The following HEMK2 variants were observed in gnomAD, a reference collection of about 807,000 sequenced individuals.
HEMK2 encodes methyltransferase HEMK2.
chr21:28,582,671 T>C, the HEMK2 span, among the ~76,000 whole-genome samples: 1 of 152,240 alleles, frequency 6.6e-6, no homozygotes. Flanking sequence ...GGAAATACTA[T>C]AATCAGTAGC....
the HEMK2 span, among the ~76,000 whole-genome samples, chr21:28,838,463 G>A: frequency 6.6e-6 from 1 of 151,942 alleles, no homozygotes; most frequent in African/African-American, 2.4e-5. Context: ...GAACCCAGGA[G>A]GTGGAGCTTG....
At chr21:28,698,503 C>G in the HEMK2 span, among the ~76,000 whole-genome samples, 1 of 151,998 alleles carries the variant, frequency 6.6e-6, no homozygotes, top group Non-Finnish European at 1.5e-5. Context: ...CCTATCCCCC[C>G]TCAAGCGGAG....
the HEMK2 span, among the ~76,000 whole-genome samples, chr21:28,675,133 G>A: frequency 1.3e-5 from 2 of 152,118 alleles, no homozygotes; most frequent in African/African-American, 2.4e-5. Flanking sequence ...CATTTACCAA[G>A]TGCTTCCAAA....
At chr21:28,845,146 A>G in the HEMK2 span, among the ~76,000 whole-genome samples, 2 of 152,208 alleles carry the variant, frequency 1.3e-5, no homozygotes, top group Admixed American at 1.3e-4. Context: ...AAGGTAGAAT[A>G]AAATGGTGAT....
At chr21:28,827,829 T>C in the HEMK2 span, among the ~76,000 whole-genome samples, 2 of 152,352 alleles carry the variant, frequency 1.3e-5, no homozygotes, top group South Asian at 2.1e-4. Flanking sequence ...CTTATTTGAG[T>C]TGATAATTTG....
the HEMK2 span, among the ~76,000 whole-genome samples, chr21:28,793,277 G>T: frequency 3.9e-5 from 6 of 152,308 alleles, no homozygotes; most frequent in East Asian, 7.7e-4. Context: ...CAAATAGAAG[G>T]TTTCTCAACT....
At chr21:28,658,827 G>T in the HEMK2 span, among the ~76,000 whole-genome samples, 2 of 152,052 alleles carry the variant, frequency 1.3e-5, no homozygotes, top group Non-Finnish European at 2.9e-5. Context: ...TAGATTCATT[G>T]TAGCACTTTA....
At chr21:28,742,547 G>T in the HEMK2 span, among the ~76,000 whole-genome samples, 218 of 152,150 alleles carry the variant, frequency 1.4e-3, 8 homozygotes, top group South Asian at 0.043. Flanking sequence ...TCAAGGGGAG[G>T]TTACTGACTA....
chr21:28,871,421 C>T, the HEMK2 span, among the ~76,000 whole-genome samples: 2 of 152,154 alleles, frequency 1.3e-5, no homozygotes, highest in Non-Finnish European at 2.9e-5. Flanking sequence ...AACTCACTAT[C>T]ACGACAACAG....
the HEMK2 span, among the ~76,000 whole-genome samples, chr21:28,650,346 G>T: frequency 6.6e-6 from 1 of 151,890 alleles, no homozygotes; most frequent in Non-Finnish European, 1.5e-5. Flanking sequence ...AGTGAGCCAA[G>T]ATCATGCCAT....
At chr21:28,823,552 G>T in the HEMK2 span, among the ~76,000 whole-genome samples, 1 of 152,088 alleles carries the variant, frequency 6.6e-6, no homozygotes, top group Non-Finnish European at 1.5e-5. Flanking sequence ...CACAAAGCTG[G>T]GTTACAACCT....
chr21:28,883,018 A>C, the HEMK2 span: 1 of 1,608,252 alleles, frequency 6.2e-7, no homozygotes, highest in Non-Finnish European at 8.5e-7. Flanking sequence ...CATAGAGGCT[A>C]GGAATGCAGA....
At chr21:28,611,219 A>C in the HEMK2 span, among the ~76,000 whole-genome samples, 1 of 152,210 alleles carries the variant, frequency 6.6e-6, no homozygotes, top group Non-Finnish European at 1.5e-5. Context: ...CCAAAGTGGA[A>C]TAAAATTGGA....
chr21:28,614,960 C>T, the HEMK2 span, among the ~76,000 whole-genome samples: 2 of 152,242 alleles, frequency 1.3e-5, no homozygotes, highest in East Asian at 3.9e-4. Context: ...TAACCCCTTC[C>T]TAATCTCTGA....
At chr21:28,831,197 C>A in the HEMK2 span, among the ~76,000 whole-genome samples, 1 of 151,916 alleles carries the variant, frequency 6.6e-6, no homozygotes, top group Admixed American at 6.6e-5. Context: ...ATAATCCCAG[C>A]ACTTTGGGAG....
chr21:28,871,725 A>G, the HEMK2 span, among the ~76,000 whole-genome samples: 1 of 152,158 alleles, frequency 6.6e-6, no homozygotes, highest in South Asian at 2.1e-4. Context: ...TCTTGAGGCT[A>G]GGTGTCTGAA....
the HEMK2 span, among the ~76,000 whole-genome samples, chr21:28,866,998 TAAG>T: frequency 6.6e-6 from 1 of 152,164 alleles, no homozygotes; most frequent in African/African-American, 2.4e-5. Context: ...TGGCAAAATC[TAAG>T]AAGTCTAACA....
chr21:28,799,119 G>C, the HEMK2 span, among the ~76,000 whole-genome samples: 1 of 152,112 alleles, frequency 6.6e-6, no homozygotes. Context: ...AACAATTTGG[G>C]TTCTGTATTA....
the HEMK2 span, among the ~76,000 whole-genome samples, chr21:28,703,145 A>G: frequency 6.6e-6 from 1 of 152,280 alleles, no homozygotes; most frequent in South Asian, 2.1e-4. Context: ...AACAACAGAC[A>G]CTGGAGCCTA....
Sources: allele counts gnomAD v4.1 joint callset (sites outside exome capture counted in the v4.1 genomes callset), GRCh38; gene constraint gnomAD v4.1.1; transcripts MANE v1.5; gene names NCBI Gene and HGNC (gene_info 2026-07-23, HGNC 2026-07-21).